Variants in CDK5 observed in about 807,000 individuals in gnomAD.
The protein encoded by CDK5 is cyclin-dependent kinase 5.
A neutral mutation model predicts 44.6 loss-of-function variants in CDK5; 18 were observed. The ratio of observed to expected loss-of-function variants is 0.40; its 90% CI spans 0.28 to 0.60. The LOEUF (loss-of-function observed/expected upper bound fraction) is 0.60. Among genes scored for constraint, CDK5 ranks in the 20% least tolerant of loss-of-function variants. The probability of loss-of-function intolerance (pLI) is 0.38; values close to 1 mark genes in which losing one functional copy is unlikely to be tolerated. For missense variants in CDK5, 198 were observed against 368.1 expected, an observed-to-expected ratio of 0.54 and a Z score of 3.78; for synonymous variants, 143 against 152.8, an observed-to-expected ratio of 0.94 and a Z score of 0.47.
At position 151,056,898 on chromosome 7, in the gene CDK5, TC is replaced by T; in HGVS notation, c.194+9del. ...GCCACACCGGCAAGGAGCACCCGCCTCCCGCACACCTGACGATGTTCTTGTG... is the reference window on the plus strand; with the variant it reads ...GCCACACCGGCAAGGAGCACCCGCCTCCGCACACCTGACGATGTTCTTGTG... On this transcript the variant is annotated intron_variant, in intron 3 of 11. Coordinates refer to ENST00000485972, the MANE Select transcript of CDK5 (RefSeq NM_004935.4). The surrounding 1 kb of genome is among the most constrained non-coding windows in gnomAD (Gnocchi z 4.7). The T allele has an allele frequency of 6.2e-7, 1 of 1,605,152 alleles. No individual in the cohort carries two copies. The highest frequency in any genetic ancestry group is 2.3e-5 in the East Asian group (1 of 44,434).
In CDK5 at chr7:151,057,276, G is replaced by T; in HGVS notation, c.38-116C>A. The T allele has an allele frequency of 1.2e-6, 1 of 838,666 alleles. No homozygotes were observed. The highest frequency in any genetic ancestry group is 2.1e-6 in the Non-Finnish European group (1 of 482,674). The allele number at this position is 838,666 out of a possible 1,614,324, so 52.0% of individuals were successfully genotyped here. A position where few individuals can be genotyped will look rare whatever the true frequency, so the allele number is the denominator to read the frequency against. On this transcript the variant is annotated intron_variant, in intron 1 of 11. Coordinates refer to ENST00000485972, the MANE Select transcript of CDK5 (RefSeq NM_004935.4). This position sits in a 1 kb window ranked among gnomAD's most constrained non-coding sequence, Gnocchi z 5.2. ...CAGTATGCAAGGGAAGGGATTCAGG[G>T]TGAAGGTAGGTTGGTGAGCTTTGTG...
chr7:151,055,443 C>G, intron 7 of CDK5, 70 bp from the exon 8 acceptor site: 2 of 1,559,314 alleles, frequency 1.3e-6, no homozygotes, highest in East Asian at 4.5e-5. Context: ...GGAGGAGGCT[C>G]AGAGAGGAGA....
rs529902552 is a variant in CDK5 at position 151,053,828 on chromosome 7, C to G, written c.*181G>C. ...CATCAACCAGACTGTGGGAAAGGAG[C>G]CAATTTATGAAATTAAATAAAGTCC... On this transcript the variant is annotated 3_prime_UTR_variant, in exon 12 of 12. Transcript: ENST00000485972. 22 of 606,918 alleles carry G rather than the reference C, an allele frequency of 3.6e-5. No homozygotes were observed. The highest frequency in any genetic ancestry group is 2.9e-6 in the Non-Finnish European group (1 of 343,730). The allele number at this position is 606,918 out of a possible 1,614,324, so 37.6% of individuals were successfully genotyped here.
At position 151,055,537 on chromosome 7, in the gene CDK5, C is replaced by G. The variant is rs1333633619; in HGVS notation, c.478G>C (p.Ala160Pro). The stretch of plus-strand genomic sequence containing the variant: ...TATCCCATCTTCTAGCTCACCTCAG[C>G]TGAGTAACAGCGGACGGGAATCCCA... ...AFGIPVRCYS[A>P]EVVTLWYRPP... Residue 160 changes from alanine (A) to proline (P), a missense_variant, in exon 7 of 12, where the codon GCT becomes CCT. By Grantham distance (27) the Ala-to-Pro change is conservative. Coordinates refer to ENST00000485972, the MANE Select transcript of CDK5 (RefSeq NM_004935.4). 3 of 1,613,600 alleles carry G rather than the reference C, an allele frequency of 1.9e-6. No homozygotes were observed. The highest frequency in any genetic ancestry group is 2.5e-6 in the Non-Finnish European group (3 of 1,179,784).
intron 7 of CDK5, 39 bp downstream of exon 7, chr7:151,055,493 A>G: frequency 1.3e-6 from 2 of 1,584,298 alleles, no homozygotes; most frequent in South Asian, 2.2e-5. Context: ...GAGCTGAGGG[A>G]CTCCCTCCCC....
chr7:151,056,357 A>G lies in CDK5; in HGVS notation c.312+223T>C, dbSNP rs1031855743. The stretch of plus-strand genomic sequence containing the variant: ...TCATTTTCTCATCTCTCGAGTGTAA[A>G]TAATATCACTGACATCAGAATGACA... On this transcript the variant is annotated intron_variant, in intron 5 of 11. Transcript: ENST00000485972. This position sits in a 1 kb window ranked among gnomAD's most constrained non-coding sequence, Gnocchi z 4.7. 1 of 596,180 alleles carries G rather than the reference A, an allele frequency of 1.7e-6. No homozygotes were observed. The highest frequency in any genetic ancestry group is 3.0e-6 in the Non-Finnish European group (1 of 335,160). 36.9% of individuals were successfully genotyped at this position (596,180 alleles called of 1,614,324 possible). A position where few individuals can be genotyped will look rare whatever the true frequency, so the allele number is the denominator to read the frequency against.
Position 151,054,327 on chromosome 7 carries a change from G to A in CDK5, c.712-35C>T. On this transcript the variant is annotated intron_variant, in intron 10 of 11. Transcript: ENST00000485972. The surrounding 1 kb of genome is among the most constrained non-coding windows in gnomAD (Gnocchi z 5.7). ...GGCAGGGAGGGTCAGACTAGAGGTAGGGGGAGGGGGATGGAGGCGCTAGGA... is the reference window on the plus strand; with the variant it reads ...GGCAGGGAGGGTCAGACTAGAGGTAAGGGGAGGGGGATGGAGGCGCTAGGA... 2.5e-6 allele frequency: 4 copies of A among 1,612,446 alleles called. No individual in the cohort carries two copies. The highest frequency in any genetic ancestry group is 3.4e-6 in the Non-Finnish European group (4 of 1,178,676).
Position 151,055,023 on chromosome 7 carries a change from A to G in CDK5, c.650+4T>C. ...GGGCTCAAGGCAGAGGAAAGCAAGGATATCGGAAGATCCTCTTCAACTGGT... is the reference window on the plus strand; with the variant it reads ...GGGCTCAAGGCAGAGGAAAGCAAGGGTATCGGAAGATCCTCTTCAACTGGT... On this transcript the variant is annotated splice_donor_region_variant and intron_variant, in intron 9 of 11. Transcript: ENST00000485972. 1 of 1,613,754 alleles carries G rather than the reference A, an allele frequency of 6.2e-7. No homozygotes were observed. Among genetic ancestry groups the G allele is most frequent in the Non-Finnish European group, 8.5e-7 (1 of 1,179,780 alleles).
chr7:151,057,826 T>C lies in CDK5; in HGVS notation c.23A>G (p.Glu8Gly), dbSNP rs755494715. ...GATTCCATTACCTTCCCCAATCTTT[T>C]CCAGTTTCTCGTATTTCTGCATCGC... MQKYEKLEKIGEGTYGTV... is the reference protein window; with the variant it reads MQKYEKLGKIGEGTYGTV... The change falls in exon 1 of 12, where the codon GAA (glutamate) becomes GGA (glycine). Residue 8 changes from glutamate (E) to glycine (G), a missense_variant. By Grantham distance (98) the Glu-to-Gly change is moderately conservative. Transcript: ENST00000485972. This position sits in a 1 kb window ranked among gnomAD's most constrained non-coding sequence, Gnocchi z 5.2. 6.2e-7 allele frequency: 1 copy of C among 1,612,030 alleles called. No individual in the cohort carries two copies. Among genetic ancestry groups the C allele is most frequent in the East Asian group, 2.2e-5 (1 of 44,858 alleles).
rs1469752586 is a variant in CDK5 at position 151,054,966 on chromosome 7, G to A, written c.650+61C>T. 6 of 1,538,832 alleles carry A rather than the reference G, an allele frequency of 3.9e-6. No individual in the cohort carries two copies. In the East Asian group the frequency reaches 1.4e-4, roughly 35 times the overall value. On this transcript the variant is annotated intron_variant, in intron 9 of 11. Coordinates refer to ENST00000485972, the MANE Select transcript of CDK5 (RefSeq NM_004935.4). The surrounding 1 kb of genome is among the most constrained non-coding windows in gnomAD (Gnocchi z 5.7). ...CACCATCACTGCCCTCACCCATTGT[G>A]CTCAAAACTCCATGGACTCTCCCCT...
Position 151,054,363 on chromosome 7 carries a change from AGT to A in CDK5, c.711+40_711+41del, listed in dbSNP as rs756567765. ...ATGGAGGCGCTAGGAATGTGAAACGAGTGACCCTGATGAACCATGACCCCCAC... is the reference window on the plus strand; with the variant it reads ...ATGGAGGCGCTAGGAATGTGAAACGAGACCCTGATGAACCATGACCCCCAC... On this transcript the variant is annotated intron_variant, in intron 10 of 11. Coordinates refer to ENST00000485972, the MANE Select transcript of CDK5 (RefSeq NM_004935.4). The surrounding 1 kb of genome is among the most constrained non-coding windows in gnomAD (Gnocchi z 5.7). 1.1e-5 allele frequency: 17 copies of A among 1,612,530 alleles called. No individual in the cohort carries two copies. The highest frequency in any genetic ancestry group is 1.1e-5 in the South Asian group (1 of 91,024).
chr7:151,054,905 CAGG>C lies in CDK5; in HGVS notation c.650+119_650+121del, dbSNP rs1444846810. The C allele has an allele frequency of 8.6e-6, 8 of 934,008 alleles. No individual in the cohort carries two copies. Among genetic ancestry groups the C allele is most frequent in the Non-Finnish European group, 1.0e-5 (6 of 589,352 alleles). The allele number at this position is 934,008 out of a possible 1,614,324, so 57.9% of individuals were successfully genotyped here. On this transcript the variant is annotated intron_variant, in intron 9 of 11. Coordinates refer to ENST00000485972, the MANE Select transcript of CDK5 (RefSeq NM_004935.4). This position sits in a 1 kb window ranked among gnomAD's most constrained non-coding sequence, Gnocchi z 5.7. ...CACCCCTGCTCTCTCCCCTTGCCCT[CAGG>C]AGAAGCCCTACAGACCCCATCACCC... is the stretch of plus-strand genomic sequence containing the variant.
rs758106701 is a variant in CDK5, at chr7:151,054,049, G to A, written c.839C>T (p.Ala280Val). 2 of 1,601,446 alleles carry A rather than the reference G, an allele frequency of 1.2e-6. No homozygotes were observed. The highest frequency in any genetic ancestry group is 8.5e-7 in the Non-Finnish European group (1 of 1,174,254). ...GTCGGAGAAGTAGGGGTGCTGCAGG[G>A]CCTCTTCTGCTGAGATACGCTGGAC... ...NPVQRISAEEALQHPYFSDFC... is the reference protein window; with the variant it reads ...NPVQRISAEEVLQHPYFSDFC... Residue 280 changes from alanine to valine, a missense_variant, in exon 12 of 12, where the codon GCC (alanine) becomes GTC (valine). Physicochemically the swap from Ala to Val is moderately conservative, Grantham distance 64. Coordinates refer to ENST00000485972, the MANE Select transcript of CDK5 (RefSeq NM_004935.4). This position sits in a 1 kb window ranked among gnomAD's most constrained non-coding sequence, Gnocchi z 5.7.
At position 151,057,187 on chromosome 7, in the gene CDK5, G is replaced by A. The variant is rs755364014; in HGVS notation, c.38-27C>T. 1.0e-5 allele frequency: 16 copies of A among 1,557,532 alleles called. No individual in the cohort carries two copies. The South Asian group carries it at 1.6e-4, about 15-fold the overall frequency. ...TAGGGGAAGGAGGTCAGGGGTCAGGGTGAGGATGCGGCACTCTTCCCTAAG... is the reference window on the plus strand; with the variant it reads ...TAGGGGAAGGAGGTCAGGGGTCAGGATGAGGATGCGGCACTCTTCCCTAAG... On this transcript the variant is annotated intron_variant, in intron 1 of 11. Transcript: ENST00000485972. This position sits in a 1 kb window ranked among gnomAD's most constrained non-coding sequence, Gnocchi z 5.2.
At chr7:151,055,197 C>T (rs1420380258) in intron 8 of CDK5, 80 bp downstream of exon 8, 1 of 1,555,726 alleles carries the variant, frequency 6.4e-7, no homozygotes, top group Non-Finnish European at 8.8e-7. Flanking sequence ...TCCCTCCCTT[C>T]CCCCAGAGGG....
chr7:151,055,110 A>G lies in CDK5; in HGVS notation c.581-14T>C, dbSNP rs1440890020. 5.0e-6 allele frequency: 8 copies of G among 1,607,118 alleles called. No individual in the cohort carries two copies. In the Admixed American group the frequency reaches 6.7e-5, roughly 14 times the overall value. The stretch of plus-strand genomic sequence containing the variant: ...CATTGGCCAGCTCTGGGGGATAGAC[A>G]GGGGGCTAAGATGTGACATGTGAAG... On this transcript the variant is annotated splice_polypyrimidine_tract_variant and intron_variant, in intron 8 of 11. Transcript: ENST00000485972.
Position 151,055,000 on chromosome 7 carries a change from G to A in CDK5, c.650+27C>T. On this transcript the variant is annotated intron_variant, in intron 9 of 11. Coordinates refer to ENST00000485972, the MANE Select transcript of CDK5 (RefSeq NM_004935.4). The surrounding 1 kb of genome is among the most constrained non-coding windows in gnomAD (Gnocchi z 5.7). Reference sequence around the variant, plus strand: ...TCCATGGACTCTCCCCTCCCAGAGGGCTCAAGGCAGAGGAAAGCAAGGATA... The same window carrying A: ...TCCATGGACTCTCCCCTCCCAGAGGACTCAAGGCAGAGGAAAGCAAGGATA... The A allele has an allele frequency of 6.2e-7, 1 of 1,611,116 alleles. No homozygotes were observed. Among genetic ancestry groups the A allele is most frequent in the Non-Finnish European group, 8.5e-7 (1 of 1,177,490 alleles).
rs1796866867 is a variant in CDK5, at chr7:151,055,017, G to A, written c.650+10C>T. On this transcript the variant is annotated intron_variant, in intron 9 of 11. Transcript: ENST00000485972. ...CCCAGAGGGCTCAAGGCAGAGGAAA[G>A]CAAGGATATCGGAAGATCCTCTTCA... 6 of 1,613,626 alleles carry A rather than the reference G, an allele frequency of 3.7e-6. No homozygotes were observed. The highest frequency in any genetic ancestry group is 1.3e-5 in the African/African-American group (1 of 75,040).
In CDK5 at chr7:151,053,890, C is replaced by A; in HGVS notation, c.*119G>T. ...GAGAAATTCGGGCTCAGGCACCCCA[C>A]CCCGGCTGGGCCCAGCACTGCTGGA... On this transcript the variant is annotated 3_prime_UTR_variant, in exon 12 of 12. Coordinates refer to ENST00000485972, the MANE Select transcript of CDK5 (RefSeq NM_004935.4). 1 of 830,576 alleles carries A rather than the reference C, an allele frequency of 1.2e-6. No homozygotes were observed. The highest frequency in any genetic ancestry group is 1.9e-6 in the Non-Finnish European group (1 of 535,550). 51.5% of individuals were successfully genotyped at this position (830,576 alleles called of 1,614,324 possible).
Sources: allele counts gnomAD v4.1 joint callset, GRCh38; gene constraint gnomAD v4.1.1; non-coding constraint Gnocchi (gnomAD v3.1); transcripts MANE v1.5; gene names NCBI Gene and HGNC (gene_info 2026-07-23, HGNC 2026-07-21).